MGAT5: variants seen among roughly 807,000 people sequenced by gnomAD.
MGAT5 encodes alpha-1,6-mannosylglycoprotein 6-beta-N-acetylglucosaminyltransferase, also known as alpha-1,6-mannosylglycoprotein 6-beta-N-acetylglucosaminyltransferase A.
MGAT5 carries 30 observed loss-of-function variants against 94.3 expected under a neutral mutation model. The observed-to-expected ratio is 0.32, with a 90% CI of 0.24 to 0.43. The LOEUF (loss-of-function observed/expected upper bound fraction) is 0.43. MGAT5 is among the 20% of genes least tolerant of loss of function. The pLI is 1.00. For synonymous variants in MGAT5, 310 were observed against 322.9 expected, an observed-to-expected ratio of 0.96 and a Z score of 0.43; for missense variants, 691 against 905.5, an observed-to-expected ratio of 0.76 and a Z score of 3.04.
At chr2:134,239,968 G>T (rs1284336896) in intron 1 of MGAT5, among the ~76,000 whole-genome samples, 1 of 152,002 alleles carries the variant, frequency 6.6e-6, no homozygotes, top group Non-Finnish European at 1.5e-5. Context: ...GAAGAGGGAA[G>T]CACTGTCAGT....
At chr2:134,181,091 T>C (rs1688712542) in intron 1 of MGAT5, among the ~76,000 whole-genome samples, 1 of 152,240 alleles carries the variant, frequency 6.6e-6, no homozygotes, top group Non-Finnish European at 1.5e-5. Flanking sequence ...ACCCCAGAAG[T>C]AAGCAATGTA....
chr2:134,438,427 C>T (rs1685292819), intron 14 of MGAT5, among the ~76,000 whole-genome samples: 1 of 152,224 alleles, frequency 6.6e-6, no homozygotes, highest in Admixed American at 6.5e-5. Context: ...AATGCCCATG[C>T]CCCCACTCAG....
intron 2 of MGAT5, among the ~76,000 whole-genome samples, chr2:134,274,291 AAGAGTTTCTT>A (rs1684210168): frequency 6.6e-6 from 1 of 152,180 alleles, no homozygotes; most frequent in African/African-American, 2.4e-5. Flanking sequence ...CACCACCTGG[AAGAGTTTCTT>A]CTTATAGTTC....
intron 14 of MGAT5, among the ~76,000 whole-genome samples, chr2:134,439,140 A>C (rs1483981548): frequency 6.6e-6 from 1 of 152,166 alleles, no homozygotes; most frequent in African/African-American, 2.4e-5. Context: ...AGTAACCTAT[A>C]GTTGCCTTTC....
At chr2:134,383,282 T>G (rs1204896929) in intron 10 of MGAT5, among the ~76,000 whole-genome samples, 2 of 152,236 alleles carry the variant, frequency 1.3e-5, no homozygotes, top group African/African-American at 4.8e-5. Flanking sequence ...TAAAAAACAA[T>G]GAGCAATGAT....
chr2:134,416,422 A>G (rs1298600014), intron 12 of MGAT5, among the ~76,000 whole-genome samples: 1 of 149,300 alleles, frequency 6.7e-6, no homozygotes, highest in Non-Finnish European at 1.5e-5. Context: ...CCAACTTAGC[A>G]TGTTTTCAAG....
At chr2:134,418,275 G>C (rs1684087857) in intron 12 of MGAT5, among the ~76,000 whole-genome samples, 1 of 152,156 alleles carries the variant, frequency 6.6e-6, no homozygotes, top group Non-Finnish European at 1.5e-5. Context: ...CATTCTTCAT[G>C]CTGTAAGAAG....
intron 11 of MGAT5, among the ~76,000 whole-genome samples, chr2:134,404,223 G>A (rs1317708507): frequency 2.0e-5 from 3 of 152,186 alleles, no homozygotes; most frequent in Admixed American, 6.5e-5. Flanking sequence ...ATTTTCAGTA[G>A]TGGATTTCTC....
At chr2:134,404,363 A>G (rs4954142) in intron 11 of MGAT5, among the ~76,000 whole-genome samples, 90,425 of 152,124 alleles carry the variant, frequency 0.59, 27,262 homozygotes, top group Non-Finnish European at 0.62. Context: ...AAGTGTATTC[A>G]CATATGCTAT....
At chr2:134,273,087 G>C (rs1254518439) in intron 2 of MGAT5, among the ~76,000 whole-genome samples, 2 of 152,172 alleles carry the variant, frequency 1.3e-5, no homozygotes, top group Admixed American at 1.3e-4. Context: ...TGGCCAAAGT[G>C]GATATAGATA....
intron 14 of MGAT5, among the ~76,000 whole-genome samples, chr2:134,430,524 A>G (rs947847708): frequency 6.6e-6 from 1 of 152,160 alleles, no homozygotes; most frequent in South Asian, 2.1e-4. Context: ...ACAATGAAGG[A>G]AGGAAGGGAG....
chr2:134,297,893 A>G (rs1325937619), intron 2 of MGAT5, among the ~76,000 whole-genome samples: 1 of 152,038 alleles, frequency 6.6e-6, no homozygotes, highest in Non-Finnish European at 1.5e-5. Flanking sequence ...ATCCTTGTGT[A>G]TGTTTCAAAT....
intron 1 of MGAT5, among the ~76,000 whole-genome samples, chr2:134,264,565 G>A (rs546514187): frequency 3.3e-5 from 5 of 152,116 alleles, no homozygotes; most frequent in South Asian, 2.1e-4. Flanking sequence ...CTGTAATAAC[G>A]CTATTTTATA....
At chr2:134,362,543 C>A in intron 10 of MGAT5, 135 bp downstream of exon 10, 1 of 1,145,178 alleles carries the variant, frequency 8.7e-7, no homozygotes, top group Non-Finnish European at 1.2e-6. Context: ...CAAGAATGTG[C>A]AAAGATTCAG....
Position 134,375,286 on chromosome 2 carries a change from CA to C in MGAT5, c.1380+12879del, listed in dbSNP as rs371883894. 2.2e-3 allele frequency among the ~76,000 whole-genome samples: 339 copies of C among 152,332 alleles called. 5 individuals carry two copies. The highest frequency in any genetic ancestry group is 0.018 in the East Asian group (92 of 5,190). On this transcript the variant is annotated intron_variant, in intron 10 of 15. Coordinates refer to ENST00000281923, the MANE Select transcript of MGAT5 (RefSeq NM_002410.5). ...ATTACATCATGTATTGTAGCCAACA[CA>C]CTGGACTACAAGGAATGGATTCTCT...
At chr2:134,387,323 TATATATATA>T (rs546578090) in intron 10 of MGAT5, among the ~76,000 whole-genome samples, 3,059 of 50,138 alleles carry the variant, frequency 0.061, 132 homozygotes, top group East Asian at 0.23. Flanking sequence ...TATATATATA[TATATATATA>T]TTTTTTTTTT....
At chr2:134,212,975 G>T (rs758223097) in intron 1 of MGAT5, among the ~76,000 whole-genome samples, 1 of 152,192 alleles carries the variant, frequency 6.6e-6, no homozygotes, top group Non-Finnish European at 1.5e-5. Flanking sequence ...AAGTTGATGC[G>T]TGTGGGAAAA....
chr2:134,413,552 C>A (rs998658784), intron 12 of MGAT5, among the ~76,000 whole-genome samples: 1 of 152,180 alleles, frequency 6.6e-6, no homozygotes, highest in Non-Finnish European at 1.5e-5. Context: ...CTTCAGAGAT[C>A]CTGTTGAAAA....
rs56687571 is a variant in MGAT5 at position 134,451,250 on chromosome 2, G to C, written c.*2403G>C. The stretch of plus-strand genomic sequence containing the variant: ...TCTTTTCCAAGTCACAACCCGCCCT[G>C]CCCGGGCCAGACAGCCCAGAAGAAC... On this transcript the variant is annotated 3_prime_UTR_variant, in exon 16 of 16. Transcript: ENST00000281923. 0.096 allele frequency: 14,690 copies of C among 152,244 alleles called. 1,562 individuals carry two copies. Among genetic ancestry groups the C allele is most frequent in the African/African-American group, 0.26 (10,748 of 41,478 alleles). 9.4% of individuals were successfully genotyped at this position (152,244 alleles called of 1,614,324 possible). A position where few individuals can be genotyped will look rare whatever the true frequency, so the allele number is the denominator to read the frequency against.
Sources: gnomAD v4.1 joint callset for allele counts (sites outside exome capture counted in the v4.1 genomes callset) on GRCh38, gnomAD v4.1.1 for gene constraint, MANE v1.5 for transcripts, NCBI Gene and HGNC (gene_info 2026-07-23, HGNC 2026-07-21) for gene names.